The following OTOGL variants were observed in gnomAD, a reference collection of about 807,000 sequenced individuals.
OTOGL encodes the protein otogelin-like protein.
A neutral mutation model predicts 318.5 loss-of-function variants in OTOGL; 285 were observed. The ratio of observed to expected loss-of-function variants is 0.89; its 90% CI spans 0.81 to 0.99. The LOEUF (loss-of-function observed/expected upper bound fraction) is 0.99, where lower values mean the gene tolerates loss of function less well. Among genes scored for constraint, OTOGL ranks in the 50% least tolerant of loss-of-function variants. OTOGL has a pLI of 0.00. For missense variants in OTOGL, 2,899 were observed against 2,845.6 expected, an observed-to-expected ratio of 1.02 and a Z score of -0.43; for synonymous variants, 987 against 936.5, an observed-to-expected ratio of 1.05 and a Z score of -0.99.
chr12:80,211,824 C>A, intron 3 of OTOGL, 125 bp from the exon 4 acceptor site: 1 of 785,000 alleles, frequency 1.3e-6, no homozygotes, highest in Non-Finnish European at 2.0e-6. Flanking sequence ...AAATGTTAAA[C>A]CAAGAAAGAC....
intron 1 of OTOGL, among the ~76,000 whole-genome samples, chr12:80,156,521 C>G (rs572348646): frequency 6.6e-6 from 1 of 152,286 alleles, no homozygotes; most frequent in Non-Finnish European, 1.5e-5. Context: ...CCATACAGGT[C>G]TCATCTTGAA....
In OTOGL at chr12:80,229,405, C is replaced by T. The variant is rs1879165317; in HGVS notation, c.611+27C>T. On this transcript the variant is annotated intron_variant, in intron 8 of 58. Transcript: ENST00000547103. The stretch of plus-strand genomic sequence containing the variant: ...TAGGATATGGGAAACAGTGAAATGT[C>T]AGTAACACCACAAATTAATAGAATT... 4 of 1,574,422 alleles carry T rather than the reference C, an allele frequency of 2.5e-6. No individual in the cohort carries two copies. In the South Asian group the frequency reaches 4.4e-5, roughly 17 times the overall value.
intron 1 of OTOGL, among the ~76,000 whole-genome samples, chr12:80,161,073 A>G (rs1047254088): frequency 6.6e-6 from 1 of 151,908 alleles, no homozygotes. Flanking sequence ...GACTTTGGGG[A>G]CTCGGGGGAA....
At position 80,177,876 on chromosome 12, in the gene OTOGL, C is replaced by T. The variant is rs150291348; in HGVS notation, c.-19-31537C>T. Among the ~76,000 whole-genome samples the T allele has an allele frequency of 2.7e-3, 404 of 152,156 alleles. 3 individuals carry two copies. Among genetic ancestry groups the T allele is most frequent in the African/African-American group, 9.3e-3 (385 of 41,514 alleles). ...ACCTTTAGTCTAGGGCTAATTTTCTCCACTACTGCAGTAATACTCTTCTGA... is the reference window on the plus strand; with the variant it reads ...ACCTTTAGTCTAGGGCTAATTTTCTTCACTACTGCAGTAATACTCTTCTGA... On this transcript the variant is annotated intron_variant, in intron 1 of 58. Transcript: ENST00000547103.
At chr12:80,133,361 G>C (rs1871351856) in intron 1 of OTOGL, 1 of 152,108 alleles carries the variant, frequency 6.6e-6, no homozygotes, top group South Asian at 2.1e-4. Context: ...ATATATATTA[G>C]AGATGCTTAT....
chr12:80,272,342 ATG>A (rs56364698), intron 24 of OTOGL, among the ~76,000 whole-genome samples: 12,293 of 145,242 alleles, frequency 0.085, 584 homozygotes, highest in African/African-American at 0.13. Flanking sequence ...AGGCATTGTG[ATG>A]TGTGTGTGTG....
intron 44 of OTOGL, among the ~76,000 whole-genome samples, chr12:80,346,094 T>A (rs563496458): frequency 1.3e-5 from 2 of 152,304 alleles, no homozygotes; most frequent in East Asian, 1.9e-4. Context: ...ATTAAGGGAA[T>A]GAATGCAATA....
At position 80,249,723 on chromosome 12, in the gene OTOGL, C is replaced by G. The variant is rs560072872; in HGVS notation, c.1053-1970C>G. Among the ~76,000 whole-genome samples the G allele has an allele frequency of 1.1e-3, 161 of 152,288 alleles. 1 individual carries two copies. The highest frequency in any genetic ancestry group is 1.5e-4 in the Non-Finnish European group (10 of 68,024). On this transcript the variant is annotated intron_variant, in intron 11 of 58. Transcript: ENST00000547103. ...TCGAGCTTCCCGGCTGCTTTGTTTA[C>G]CTAAGGAAGCCTGGGCGATGGCGGG...
intron 1 of OTOGL, among the ~76,000 whole-genome samples, chr12:80,187,208 C>T (rs1875352334): frequency 6.6e-6 from 1 of 151,718 alleles, no homozygotes; most frequent in Non-Finnish European, 1.5e-5. Flanking sequence ...GGCCTCTTCA[C>T]ATTAAGAACA....
intron 7 of OTOGL, among the ~76,000 whole-genome samples, chr12:80,222,897 C>A (rs1034638418): frequency 2.0e-5 from 3 of 151,964 alleles, no homozygotes; most frequent in African/African-American, 7.3e-5. Context: ...TAAAAGTAGG[C>A]CCTGAAACTT....
chr12:80,269,142 A>G (rs1883219957), intron 22 of OTOGL, among the ~76,000 whole-genome samples: 1 of 152,074 alleles, frequency 6.6e-6, no homozygotes, highest in Non-Finnish European at 1.5e-5. Flanking sequence ...GTGTTATTCT[A>G]GTGTTCAACT....
rs375241338 is a variant in OTOGL, at chr12:80,279,147, G to T, written c.2909G>T (p.Cys970Phe). The T allele has an allele frequency of 1.3e-5, 21 of 1,590,650 alleles. No individual in the cohort carries two copies. Among genetic ancestry groups the T allele is most frequent in the East Asian group, 2.2e-5 (1 of 44,732 alleles). Reference protein sequence around the residue: ...DGLEYDYISDCQVFLIKSADD... With the variant: ...DGLEYDYISDFQVFLIKSADD... ...CTAGAATATGACTATATCAGTGATTGCCAGGTGTTTTTGATAAAGGTAGGT... is the reference window on the plus strand; with the variant it reads ...CTAGAATATGACTATATCAGTGATTTCCAGGTGTTTTTGATAAAGGTAGGT... Residue 970 changes from cysteine (C) to phenylalanine (F), a missense_variant, in exon 26 of 59, where the codon TGC becomes TTC. Physicochemically the swap from Cys to Phe is radical, Grantham distance 205 (BLOSUM62 -2). Around this residue, in one of 3 missense-constraint regions of OTOGL, gnomAD observed 2,607 missense variants for 2,524.9 expected, o/e 1.03. Coordinates refer to ENST00000547103, the MANE Select transcript of OTOGL (RefSeq NM_001378609.3).
chr12:80,179,768 CCTTGA>C (rs771381220), intron 1 of OTOGL, among the ~76,000 whole-genome samples: 4 of 152,166 alleles, frequency 2.6e-5, no homozygotes, highest in Non-Finnish European at 5.9e-5. Flanking sequence ...TTTTGCCTGT[CCTTGA>C]CTTGGGACAT....
chr12:80,253,774 T>C (rs1018870001), intron 14 of OTOGL, among the ~76,000 whole-genome samples, 200 bp downstream of exon 14: 12 of 152,158 alleles, frequency 7.9e-5, no homozygotes, highest in Non-Finnish European at 2.9e-5. Context: ...CTTACCTTGG[T>C]AATTCTATAA....
rs1326484685 is a variant in OTOGL, at chr12:80,145,885, T to C, written c.-20+46280T>C. On this transcript the variant is annotated intron_variant, in intron 1 of 58. Transcript: ENST00000547103. ...GTCTGTTGTTGGTGTATAAGAATGCTTGTGATTTTTGTACATTGATTTTGT... is the reference window on the plus strand; with the variant it reads ...GTCTGTTGTTGGTGTATAAGAATGCCTGTGATTTTTGTACATTGATTTTGT... Among the ~76,000 whole-genome samples, 3 of 151,664 alleles carry C rather than the reference T, an allele frequency of 2.0e-5. No homozygotes were observed. The East Asian group carries it at 5.8e-4, about 29-fold the overall frequency.
In OTOGL at chr12:80,110,067, C is replaced by CT. The variant is rs35589524; in HGVS notation, c.-20+10481dup. Among the ~76,000 whole-genome samples, 320 of 103,708 alleles carry CT rather than the reference C, an allele frequency of 3.1e-3. 1 individual carries two copies. The highest frequency in any genetic ancestry group is 0.011 in the Middle Eastern group (2 of 186). The allele number at this position is 103,708 out of a possible 152,430, so 68.0% of individuals were successfully genotyped here. On this transcript the variant is annotated intron_variant, in intron 1 of 58. Coordinates refer to ENST00000547103, the MANE Select transcript of OTOGL (RefSeq NM_001378609.3). The stretch of plus-strand genomic sequence containing the variant: ...TACATTAGTTTTTTTTTCTTTCTTT[C>CT]TTTTTTTTTTTTTTTTTTTGAGACG...
chr12:80,122,082 A>G (rs796356045), intron 1 of OTOGL, among the ~76,000 whole-genome samples: 1 of 152,204 alleles, frequency 6.6e-6, no homozygotes, highest in South Asian at 2.1e-4. Flanking sequence ...ATTTTTGATT[A>G]AGAAAAATAC....
At chr12:80,340,553 A>G (rs1243479259) in intron 43 of OTOGL, among the ~76,000 whole-genome samples, 2 of 152,162 alleles carry the variant, frequency 1.3e-5, no homozygotes, top group Non-Finnish European at 2.9e-5. Flanking sequence ...TTTCATGTAG[A>G]CAGCCACTCT....
At chr12:80,167,419 C>T (rs1873897521) in intron 1 of OTOGL, among the ~76,000 whole-genome samples, 2 of 151,858 alleles carry the variant, frequency 1.3e-5, no homozygotes, top group African/African-American at 4.8e-5. Flanking sequence ...TGGAAGAATC[C>T]TTTATAGAGG....
Sources: allele counts gnomAD v4.1 joint callset (sites outside exome capture counted in the v4.1 genomes callset), GRCh38; gene constraint gnomAD v4.1.1; regional missense constraint gnomAD v4.1.1; transcripts MANE v1.5; gene names NCBI Gene and HGNC (gene_info 2026-07-23, HGNC 2026-07-21).